Variants in UCHL3 observed in about 807,000 individuals in gnomAD.
The protein encoded by UCHL3 is ubiquitin C-terminal hydrolase L3.
A neutral mutation model predicts 35.8 loss-of-function variants in UCHL3; 22 were observed. That is an observed-to-expected ratio of 0.61 (90% CI 0.44 to 0.88). The LOEUF (loss-of-function observed/expected upper bound fraction) is 0.88, where lower values mean the gene tolerates loss of function less well. UCHL3 is among the 40% of genes least tolerant of loss of function. UCHL3 has a pLI of 0.00. For synonymous variants in UCHL3, 90 were observed against 92.8 expected, an observed-to-expected ratio of 0.97 and a Z score of 0.17; for missense variants, 229 against 276.9, an observed-to-expected ratio of 0.83 and a Z score of 1.23.
intron 6 of UCHL3, 55 bp downstream of exon 6, chr13:75,569,562 C>A: frequency 6.7e-7 from 1 of 1,485,198 alleles, no homozygotes; most frequent in Non-Finnish European, 9.2e-7. Context: ...ATATAAATTT[C>A]TTGCTGTAAA....
At chr13:75,571,669 G>A (rs2031860451) in intron 6 of UCHL3, among the ~76,000 whole-genome samples, 1 of 152,116 alleles carries the variant, frequency 6.6e-6, no homozygotes, top group Non-Finnish European at 1.5e-5. Context: ...TCAGTTGGCT[G>A]CTAAAATTTT....
At chr13:75,602,447 G>A in intron 7 of UCHL3, among the ~76,000 whole-genome samples, 1 of 152,178 alleles carries the variant, frequency 6.6e-6, no homozygotes, top group East Asian at 1.9e-4. Flanking sequence ...TTGGACTGGG[G>A]TTTTTAGGTT....
intron 7 of UCHL3, among the ~76,000 whole-genome samples, chr13:75,602,549 C>T (rs1403745213): frequency 3.3e-5 from 5 of 152,156 alleles, no homozygotes; most frequent in African/African-American, 9.7e-5. Context: ...GATTCATCTG[C>T]AGCGTATGCA....
In UCHL3 at chr13:75,550,111, T is replaced by G. The variant is rs1197478749; in HGVS notation, c.54+124T>G. The stretch of plus-strand genomic sequence containing the variant: ...GATTTAATTTCTTGAGGGCCCCTCT[T>G]GTTCGGCTTTACGCGGGTCCGCCCC... On this transcript the variant is annotated intron_variant, in intron 2 of 8. Coordinates refer to ENST00000377595, the MANE Select transcript of UCHL3 (RefSeq NM_006002.5). The G allele has an allele frequency of 1.7e-5, 25 of 1,481,912 alleles. No homozygotes were observed. The Admixed American group carries it at 4.2e-4, about 25-fold the overall frequency. 91.8% of individuals were successfully genotyped at this position (1,481,912 alleles called of 1,614,324 possible). A position where few individuals can be genotyped will look rare whatever the true frequency, so the allele number is the denominator to read the frequency against.
rs183732548 is a variant in UCHL3 at position 75,573,092 on chromosome 13, C to G, written c.474+3585C>G. On this transcript the variant is annotated intron_variant, in intron 6 of 8. Coordinates refer to ENST00000377595, the MANE Select transcript of UCHL3 (RefSeq NM_006002.5). Reference sequence around the variant, plus strand: ...CTAGCCTGGCCAACATGGTGAACCCCGTCTCTACTAAAAATACAAAAATCA... The same window carrying G: ...CTAGCCTGGCCAACATGGTGAACCCGGTCTCTACTAAAAATACAAAAATCA... Among the ~76,000 whole-genome samples, 4 of 152,016 alleles carry G rather than the reference C, an allele frequency of 2.6e-5. No homozygotes were observed. The South Asian group carries it at 8.3e-4, about 32-fold the overall frequency.
In UCHL3 at chr13:75,604,808, G is replaced by A; in HGVS notation, c.590G>A (p.Ser197Asn). 1.3e-6 allele frequency: 2 copies of A among 1,599,418 alleles called. No individual in the cohort carries two copies. Among genetic ancestry groups the A allele is most frequent in the South Asian group, 1.1e-5 (1 of 88,670 alleles). Reference sequence around the variant, plus strand: ...TTTCCAATTAACCATGGTGAAACTAGTGATGAAACTTTATTAGAGGTAACA... The same window carrying A: ...TTTCCAATTAACCATGGTGAAACTAATGATGAAACTTTATTAGAGGTAACA... ...KPFPINHGET[S>N]DETLLEDAIE... The change falls in exon 8 of 9, where the codon AGT becomes AAT. Residue 197 changes from serine (S) to asparagine (N), a missense_variant. Physicochemically the swap from Ser to Asn is conservative, Grantham distance 46. Transcript: ENST00000377595.
At chr13:75,584,315 C>T (rs558563776) in intron 6 of UCHL3, among the ~76,000 whole-genome samples, 43 of 152,136 alleles carry the variant, frequency 2.8e-4, no homozygotes, top group Non-Finnish European at 1.3e-4. Context: ...GAGAGACCTT[C>T]TCTGAGGCAT....
At chr13:75,604,368 G>T (rs1034824987) in intron 7 of UCHL3, among the ~76,000 whole-genome samples, 1 of 152,064 alleles carries the variant, frequency 6.6e-6, no homozygotes, top group African/African-American at 2.4e-5. Context: ...TGACAGTGTA[G>T]CTCCCTTTCA....
Position 75,572,414 on chromosome 13 carries a change from G to A in UCHL3, c.474+2907G>A, listed in dbSNP as rs142633100. 8.0e-4 allele frequency among the ~76,000 whole-genome samples: 121 copies of A among 152,168 alleles called. 2 individuals are homozygous for A. In the East Asian group the frequency reaches 0.02, roughly 25 times the overall value. ...AATTAGGATGTATCTTACAGTTGAT[G>A]TCATAGTTTACTTGGCGTTATTCCC... On this transcript the variant is annotated intron_variant, in intron 6 of 8. Transcript: ENST00000377595.
intron 6 of UCHL3, among the ~76,000 whole-genome samples, chr13:75,586,155 T>C (rs1260575395): frequency 1.3e-5 from 2 of 151,624 alleles, no homozygotes; most frequent in African/African-American, 4.8e-5. Flanking sequence ...AAGATAACAA[T>C]CAAAAGGATG....
At chr13:75,581,347 C>CT (rs11310964) in intron 6 of UCHL3, among the ~76,000 whole-genome samples, 102 of 135,128 alleles carry the variant, frequency 7.5e-4, no homozygotes, top group Non-Finnish European at 6.6e-4. Context: ...CACTTGATTT[C>CT]TTTTTTTTTT....
chr13:75,581,970 C>T (rs964845253), intron 6 of UCHL3, among the ~76,000 whole-genome samples: 2 of 152,062 alleles, frequency 1.3e-5, no homozygotes, highest in South Asian at 4.1e-4. Flanking sequence ...TAGATGTGCC[C>T]TTATGAATCA....
At chr13:75,550,069 G>T (rs1461267192) in intron 2 of UCHL3, 82 bp downstream of exon 2, 1 of 1,594,648 alleles carries the variant, frequency 6.3e-7, no homozygotes, top group Admixed American at 1.7e-5. Flanking sequence ...CCACCTCCAC[G>T]CTTCCAGGGA....
chr13:75,584,121 C>T (rs1246907673), intron 6 of UCHL3, among the ~76,000 whole-genome samples: 1 of 152,126 alleles, frequency 6.6e-6, no homozygotes, highest in Non-Finnish European at 1.5e-5. Flanking sequence ...AAAACCACCC[C>T]TTTTGCGGGA....
At chr13:75,550,136 C>G (rs189993642) in intron 2 of UCHL3, 149 bp downstream of exon 2, 54 of 1,293,328 alleles carry the variant, frequency 4.2e-5, no homozygotes, top group Admixed American at 5.4e-5. Context: ...GGGTCCGCCC[C>G]TTTCAGAAAG....
intron 3 of UCHL3, among the ~76,000 whole-genome samples, chr13:75,561,948 A>G (rs1461081967): frequency 6.6e-6 from 1 of 152,070 alleles, no homozygotes; most frequent in Non-Finnish European, 1.5e-5. Context: ...AGTGCATTTT[A>G]TAATAGATTT....
At chr13:75,564,636 C>G (rs940329398) in intron 3 of UCHL3, among the ~76,000 whole-genome samples, 1 of 152,164 alleles carries the variant, frequency 6.6e-6, no homozygotes, top group African/African-American at 2.4e-5. Flanking sequence ...TCCCTTTTCT[C>G]CACACCCTCA....
chr13:75,588,384 C>T (rs917966188), intron 6 of UCHL3, among the ~76,000 whole-genome samples: 1 of 152,066 alleles, frequency 6.6e-6, no homozygotes, highest in Admixed American at 6.6e-5. Context: ...TTGCCTCTTT[C>T]TTCTTCCCCT....
At chr13:75,551,729 C>A (rs2031115827) in intron 2 of UCHL3, among the ~76,000 whole-genome samples, 1 of 152,160 alleles carries the variant, frequency 6.6e-6, no homozygotes, top group Non-Finnish European at 1.5e-5. Context: ...ATTGTTTTAA[C>A]AAACTAAGTT....
Sources: allele counts gnomAD v4.1 joint callset (sites outside exome capture counted in the v4.1 genomes callset), GRCh38; gene constraint gnomAD v4.1.1; transcripts MANE v1.5; gene names NCBI Gene and HGNC (gene_info 2026-07-23, HGNC 2026-07-21).